PKD1L1: variants seen among roughly 807,000 people sequenced by gnomAD.
PKD1L1 encodes the protein polycystin-1-like protein 1.
Under a neutral mutation model 323.4 loss-of-function variants are expected in PKD1L1, and 236 were observed. That is an observed-to-expected ratio of 0.73 (90% confidence interval 0.66 to 0.81). PKD1L1 has a LOEUF of 0.81. Among genes scored for constraint, PKD1L1 ranks in the 40% least tolerant of loss-of-function variants. The probability of loss-of-function intolerance (pLI) is 0.00; values close to 1 mark genes in which losing one functional copy is unlikely to be tolerated. For missense variants in PKD1L1, 3,320 were observed against 3,508.0 expected, an observed-to-expected ratio of 0.95 and a Z score of 1.35; for synonymous variants, 1,344 against 1,335.0, an observed-to-expected ratio of 1.01 and a Z score of -0.15.
At chr7:47,800,270 G>T (rs1784630894) in intron 54 of PKD1L1, among the ~76,000 whole-genome samples, 1 of 152,220 alleles carries the variant, frequency 6.6e-6, no homozygotes, top group Admixed American at 6.5e-5. Context: ...TGGCTGATGG[G>T]AGTGCAACTC....
chr7:47,855,288 A>G (rs1443831235), intron 28 of PKD1L1, 23 bp from the exon 29 acceptor site: 2 of 1,573,064 alleles, frequency 1.3e-6, no homozygotes, highest in South Asian at 2.2e-5. Context: ...AGACCATCTC[A>G]GAGCAAATGA....
chr7:47,948,769 C>G (rs1358157749), upstream of PKD1L1, among the ~76,000 whole-genome samples: 2 of 152,030 alleles, frequency 1.3e-5, no homozygotes, highest in African/African-American at 4.8e-5. Flanking sequence ...ACCAGCCTGG[C>G]CAATATGGTG....
chr7:47,909,933 C>T (rs932410166), intron 8 of PKD1L1, among the ~76,000 whole-genome samples: 1 of 152,138 alleles, frequency 6.6e-6, no homozygotes, highest in African/African-American at 2.4e-5. Context: ...AGAAGGGCAT[C>T]GTACTCTAAG....
chr7:47,911,775 G>A (rs545672644), intron 8 of PKD1L1, among the ~76,000 whole-genome samples: 13 of 152,168 alleles, frequency 8.5e-5, no homozygotes, highest in African/African-American at 2.4e-4. Flanking sequence ...AACAGAAAAC[G>A]TCCTAAAGTG....
At chr7:47,868,789 C>T (rs541383454) in intron 24 of PKD1L1, among the ~76,000 whole-genome samples, 2 of 152,098 alleles carry the variant, frequency 1.3e-5, no homozygotes, top group Non-Finnish European at 2.9e-5. Flanking sequence ...GCAGTAGAAT[C>T]GCTTGAACCC....
chr7:47,902,565 C>A, intron 12 of PKD1L1, 54 bp from the exon 13 acceptor site: 1 of 1,579,086 alleles, frequency 6.3e-7, no homozygotes, highest in Non-Finnish European at 8.6e-7. Flanking sequence ...GAACGTCAGG[C>A]TTTCATTCAC....
At position 47,894,055 on chromosome 7, in the gene PKD1L1, T is replaced by A. The variant is rs150679968; in HGVS notation, c.2276A>T (p.Gln759Leu). ...GCTGTACACCACACTGCCTTCAATCTGAACCTGCAGGGGCAAGGAAGGACA... is the reference window on the plus strand; with the variant it reads ...GCTGTACACCACACTGCCTTCAATCAGAACCTGCAGGGGCAAGGAAGGACA... ...YGNYTALAKVQIEGSVVYSNY... is the reference protein window; with the variant it reads ...YGNYTALAKVLIEGSVVYSNY... The change falls in exon 15 of 57, where the codon CAG (glutamine) becomes CTG (leucine). Residue 759 changes from glutamine (Q) to leucine (L), a missense_variant. Gln to Leu is a moderately radical substitution (Grantham distance 113). Transcript: ENST00000289672. The A allele has an allele frequency of 3.5e-4, 541 of 1,557,750 alleles. 1 individual carries two copies. In the African/African-American group the frequency reaches 6.5e-3, roughly 19 times the overall value.
Position 47,815,343 on chromosome 7 carries a change from C to G in PKD1L1, c.7080G>C (p.Pro2360=). Residue 2360 remains proline, a synonymous_variant, in exon 47 of 57, where the codon CCG becomes CCC. Coordinates refer to ENST00000289672, the MANE Select transcript of PKD1L1 (RefSeq NM_138295.5). ...YPGGTPSARV[P]GAQPGALGGK... ...GAGACGGAAAGCTCACCTGAGCCCC[C>G]GGCACACGGGCTGACGGGGTGCCTC... 1.9e-6 allele frequency: 3 copies of G among 1,613,786 alleles called. No individual in the cohort carries two copies. Among genetic ancestry groups the G allele is most frequent in the Non-Finnish European group, 2.5e-6 (3 of 1,179,882 alleles).
chr7:47,896,061 G>A (rs1218708911), intron 14 of PKD1L1, among the ~76,000 whole-genome samples: 1 of 152,162 alleles, frequency 6.6e-6, no homozygotes, highest in East Asian at 1.9e-4. Context: ...TCCTGGCCAG[G>A]CGTGATGGCT....
At chr7:47,860,549 T>C (rs1786001610) in intron 26 of PKD1L1, among the ~76,000 whole-genome samples, 1 of 152,210 alleles carries the variant, frequency 6.6e-6, no homozygotes, top group Admixed American at 6.5e-5. Context: ...CACAATAAGA[T>C]TAAACTAATT....
At chr7:47,906,853 T>C (rs1787216714) in intron 9 of PKD1L1, among the ~76,000 whole-genome samples, 1 of 152,102 alleles carries the variant, frequency 6.6e-6, no homozygotes, top group African/African-American at 2.4e-5. Context: ...TCATTAAGCA[T>C]GCCTGAAAAT....
Position 47,880,181 on chromosome 7 carries a change from GAGAGAGAGA to G in PKD1L1, c.3520+538_3520+546del, listed in dbSNP as rs1358223641. Among the ~76,000 whole-genome samples, 18 of 144,796 alleles carry G rather than the reference GAGAGAGAGA, an allele frequency of 1.2e-4. No homozygotes were observed. The South Asian group carries it at 4.0e-3, about 32-fold the overall frequency. 95.0% of individuals were successfully genotyped at this position (144,796 alleles called of 152,430 possible). A position where few individuals can be genotyped will look rare whatever the true frequency, so the allele number is the denominator to read the frequency against. On this transcript the variant is annotated intron_variant, in intron 21 of 56. Coordinates refer to ENST00000289672, the MANE Select transcript of PKD1L1 (RefSeq NM_138295.5). ...TAGGGTTTAAATAGAGAGAGAGAGAGAGAGAGAGATTACGGACAGATTTGCAGGAAAGGA... is the reference window on the plus strand; with the variant it reads ...TAGGGTTTAAATAGAGAGAGAGAGAGTTACGGACAGATTTGCAGGAAAGGA...
chr7:47,932,261 C>A (rs1787786344), intron 4 of PKD1L1, among the ~76,000 whole-genome samples: 1 of 152,168 alleles, frequency 6.6e-6, no homozygotes, highest in Admixed American at 6.5e-5. Flanking sequence ...GGGGCTGCTG[C>A]AGGCACTCGA....
chr7:47,937,777 C>T (rs549205578), intron 3 of PKD1L1, among the ~76,000 whole-genome samples: 3 of 152,150 alleles, frequency 2.0e-5, no homozygotes, highest in African/African-American at 4.8e-5. Flanking sequence ...TGGGCTTGCT[C>T]GGCCTGTGCA....
chr7:47,896,006 T>C (rs1359734828), intron 14 of PKD1L1, among the ~76,000 whole-genome samples: 2 of 152,216 alleles, frequency 1.3e-5, no homozygotes, highest in Non-Finnish European at 2.9e-5. Flanking sequence ...TGCCTGGCCT[T>C]AGGTCTTGTT....
chr7:47,783,963 A>T (rs1459510629), intron 56 of PKD1L1, among the ~76,000 whole-genome samples: 1 of 152,168 alleles, frequency 6.6e-6, no homozygotes, highest in East Asian at 1.9e-4. Flanking sequence ...AACTTTCTTG[A>T]ACCCTGCTAG....
At position 47,873,846 on chromosome 7, in the gene PKD1L1, T is replaced by C. The variant is rs570941023; in HGVS notation, c.3896+53A>G. ...TAACAACTTGGGGGAGAGCCAACTCTGGAAGAAATACAAATAATGGCTAGG... is the reference window on the plus strand; with the variant it reads ...TAACAACTTGGGGGAGAGCCAACTCCGGAAGAAATACAAATAATGGCTAGG... On this transcript the variant is annotated intron_variant, in intron 24 of 56. Transcript: ENST00000289672. 7 of 1,414,904 alleles carry C rather than the reference T, an allele frequency of 4.9e-6. No individual in the cohort carries two copies. The African/African-American group carries it at 9.9e-5, about 20-fold the overall frequency. 87.6% of individuals were successfully genotyped at this position (1,414,904 alleles called of 1,614,324 possible).
At chr7:47,859,080 C>T (rs761519378) in intron 26 of PKD1L1, among the ~76,000 whole-genome samples, 195 bp from the exon 27 acceptor site, 54 of 152,180 alleles carry the variant, frequency 3.5e-4, no homozygotes, top group South Asian at 4.1e-4. Flanking sequence ...GACTGAACTA[C>T]GGGCTAAGAG....
At chr7:47,888,598 C>T (rs1281678349) in intron 16 of PKD1L1, among the ~76,000 whole-genome samples, 4 of 152,254 alleles carry the variant, frequency 2.6e-5, no homozygotes, top group African/African-American at 4.8e-5. Flanking sequence ...AAACTTTCCC[C>T]GTGGCCGTCC....
Sources: allele counts gnomAD v4.1 joint callset (sites outside exome capture counted in the v4.1 genomes callset), GRCh38; gene constraint gnomAD v4.1.1; transcripts MANE v1.5; gene names NCBI Gene and HGNC (gene_info 2026-07-23, HGNC 2026-07-21).